SUDS3: variants seen among roughly 807,000 people sequenced by gnomAD.
The protein encoded by SUDS3 is SIN3A corepressor complex component SDS3.
A neutral mutation model predicts 53.5 loss-of-function variants in SUDS3; 23 were observed. That is an observed-to-expected ratio of 0.43 (90% CI 0.31 to 0.61). The LOEUF is 0.61. Among genes scored for constraint, SUDS3 ranks in the 20% least tolerant of loss-of-function variants. The probability of loss-of-function intolerance (pLI) is 0.10; values close to 1 mark genes in which losing one functional copy is unlikely to be tolerated. For synonymous variants in SUDS3, 150 were observed against 148.5 expected (o/e 1.01, Z -0.08); for missense variants, 291 against 405.9 (o/e 0.72, Z 2.43).
intron 6 of SUDS3, among the ~76,000 whole-genome samples, chr12:118,395,427 T>C (rs1215165185): frequency 6.6e-6 from 1 of 151,494 alleles, no homozygotes. Flanking sequence ...GGGGTTTCAC[T>C]GTGTTAGCCA....
At chr12:118,404,373 A>G (rs1477999187) in intron 10 of SUDS3, 1 of 152,254 alleles carries the variant, frequency 6.6e-6, no homozygotes, top group Admixed American at 6.5e-5. Flanking sequence ...GGCCTCCCAA[A>G]GTGCTGGGAT....
In SUDS3 at chr12:118,376,716, C is replaced by A; in HGVS notation, c.25C>A (p.Pro9Thr). 1 of 1,520,862 alleles carries A rather than the reference C, an allele frequency of 6.6e-7. No individual in the cohort carries two copies. Among genetic ancestry groups the A allele is most frequent in the South Asian group, 1.2e-5 (1 of 81,894 alleles). The allele number at this position is 1,520,862 out of a possible 1,614,324, so 94.2% of individuals were successfully genotyped here. The stretch of plus-strand genomic sequence containing the variant: ...CATGAGTGCCGCGGGGCTGCTGGCC[C>A]CGGCCCCGGCCCAGGCTGGAGCGCC... MSAAGLLA[P>T]APAQAGAPPA... The change falls in exon 1 of 12, where the codon CCG becomes ACG. Residue 9 changes from proline to threonine, a missense_variant. Pro to Thr is a conservative substitution (Grantham distance 38). This residue lies in a region of SUDS3 where 149 missense variants were observed against 146.5 expected (regional missense o/e 1.02). Coordinates refer to ENST00000543473, the MANE Select transcript of SUDS3 (RefSeq NM_022491.3).
intron 10 of SUDS3, among the ~76,000 whole-genome samples, chr12:118,405,461 G>A (rs1330472216): frequency 6.6e-6 from 1 of 152,202 alleles, no homozygotes; most frequent in Non-Finnish European, 1.5e-5. Flanking sequence ...AAAATGATCA[G>A]ATTTGATGTG....
intron 6 of SUDS3, among the ~76,000 whole-genome samples, chr12:118,395,273 T>G (rs1286512571): frequency 7.0e-6 from 1 of 142,584 alleles, no homozygotes; most frequent in African/African-American, 2.6e-5. Context: ...TCCCCCAGGC[T>G]GGAGTGCAGT....
In SUDS3 at chr12:118,388,401, C is replaced by A. The variant is rs1202534867; in HGVS notation, c.341-1526C>A. On this transcript the variant is annotated intron_variant, in intron 4 of 11. Coordinates refer to ENST00000543473, the MANE Select transcript of SUDS3 (RefSeq NM_022491.3). ...CCCTGGTAGACTGAGAATAGCACACCCTGGAGAATCTTTGTGGACTGTACG... is the reference window on the plus strand; with the variant it reads ...CCCTGGTAGACTGAGAATAGCACACACTGGAGAATCTTTGTGGACTGTACG... Among the ~76,000 whole-genome samples the A allele has an allele frequency of 2.0e-5, 3 of 152,124 alleles. No homozygotes were observed. In the East Asian group the frequency reaches 5.8e-4, roughly 29 times the overall value.
chr12:118,404,707 A>G (rs2046294748), intron 10 of SUDS3, among the ~76,000 whole-genome samples: 2 of 152,134 alleles, frequency 1.3e-5, no homozygotes, highest in South Asian at 4.1e-4. Flanking sequence ...CTGTTTGGTT[A>G]TATTGAGAAT....
intron 5 of SUDS3, among the ~76,000 whole-genome samples, chr12:118,390,389 CTG>C (rs2046154246): frequency 6.6e-6 from 1 of 152,194 alleles, no homozygotes; most frequent in Admixed American, 6.5e-5. Context: ...GTGTCAGACT[CTG>C]TGCTGTGATA....
At chr12:118,389,594 C>T (rs2046146966) in intron 4 of SUDS3, among the ~76,000 whole-genome samples, 1 of 151,936 alleles carries the variant, frequency 6.6e-6, no homozygotes, top group African/African-American at 2.4e-5. Context: ...TTACTGCAAC[C>T]TCTGCCGCTC....
intron 1 of SUDS3, 29 bp downstream of exon 1, chr12:118,376,862 G>T: frequency 6.6e-7 from 1 of 1,507,678 alleles, no homozygotes. Flanking sequence ...CCGGCCGCCC[G>T]GAGCGGAGGT....
At chr12:118,400,572 TG>T (rs986489763) in intron 6 of SUDS3, 86 bp from the exon 7 acceptor site, 5 of 1,254,840 alleles carry the variant, frequency 4.0e-6, no homozygotes, top group Non-Finnish European at 5.8e-6. Context: ...ATTGGGTGGC[TG>T]GGGGGCAGAT....
intron 11 of SUDS3, among the ~76,000 whole-genome samples, chr12:118,412,590 A>T (rs2141395939): frequency 6.6e-6 from 1 of 152,346 alleles, no homozygotes; most frequent in South Asian, 2.1e-4. Context: ...CCTGGTCCTC[A>T]GCCAAGAGGT....
chr12:118,386,478 T>C (rs75197519), intron 4 of SUDS3, among the ~76,000 whole-genome samples: 1 of 152,082 alleles, frequency 6.6e-6, no homozygotes, highest in Non-Finnish European at 1.5e-5. Flanking sequence ...CATTTCTGCA[T>C]GGCTGGCCTG....
rs76355409 is a variant in SUDS3, at chr12:118,402,300, C to T, written c.697+296C>T. 4,239 of 432,802 alleles carry T rather than the reference C, an allele frequency of 9.8e-3. 154 individuals are homozygous for T. The highest frequency in any genetic ancestry group is 0.077 in the African/African-American group (3,768 of 49,196). The allele number at this position is 432,802 out of a possible 1,614,324, so 26.8% of individuals were successfully genotyped here. On this transcript the variant is annotated intron_variant, in intron 9 of 11. Transcript: ENST00000543473. Reference sequence around the variant, plus strand: ...AGGCATCAGGCATAAGATTTAAGTACACATCCATTTTTGAAAATGAAACCA... The same window carrying T: ...AGGCATCAGGCATAAGATTTAAGTATACATCCATTTTTGAAAATGAAACCA...
Position 118,396,933 on chromosome 12 carries a change from A to T in SUDS3, c.518-3726A>T, listed in dbSNP as rs989276988. On this transcript the variant is annotated intron_variant, in intron 6 of 11. Coordinates refer to ENST00000543473, the MANE Select transcript of SUDS3 (RefSeq NM_022491.3). ...GGTTCCTGTATCCATCAGGTTTCCT[A>T]GTGAGTAGAACAGGAGGATTTGCAC... Among the ~76,000 whole-genome samples, 3 of 152,260 alleles carry T rather than the reference A, an allele frequency of 2.0e-5. No homozygotes were observed. In the South Asian group the frequency reaches 6.2e-4, roughly 32 times the overall value.
chr12:118,392,307 C>A (rs997945077), intron 6 of SUDS3, among the ~76,000 whole-genome samples: 2 of 152,160 alleles, frequency 1.3e-5, no homozygotes, highest in African/African-American at 4.8e-5. Flanking sequence ...CAGTTAAGAT[C>A]TTTGTTCCCC....
intron 11 of SUDS3, 85 bp from the exon 12 acceptor site, chr12:118,414,250 C>A: frequency 1.0e-6 from 1 of 979,160 alleles, no homozygotes; most frequent in Non-Finnish European, 1.5e-6. Context: ...GCTTGCATCT[C>A]ACTCGTGCAG....
intron 3 of SUDS3, 39 bp from the exon 4 acceptor site, chr12:118,386,074 AT>A: frequency 6.8e-7 from 1 of 1,468,604 alleles, no homozygotes; most frequent in Non-Finnish European, 9.3e-7. Flanking sequence ...GAGCAGATTT[AT>A]ATTCACAATA....
intron 10 of SUDS3, among the ~76,000 whole-genome samples, chr12:118,405,061 G>A (rs965470565): frequency 1.2e-4 from 18 of 152,262 alleles, no homozygotes; most frequent in African/African-American, 3.9e-4. Context: ...CAGAAAGGTC[G>A]GTTTGTGTTA....
intron 2 of SUDS3, among the ~76,000 whole-genome samples, chr12:118,380,936 C>T (rs993160764): frequency 1.3e-5 from 2 of 152,176 alleles, no homozygotes; most frequent in Non-Finnish European, 2.9e-5. Context: ...AACTCCTGAG[C>T]TCGTGATCCG....
Sources: gnomAD v4.1 joint callset for allele counts (sites outside exome capture counted in the v4.1 genomes callset) on GRCh38, gnomAD v4.1.1 for gene constraint, gnomAD v4.1.1 regional missense constraint, MANE v1.5 for transcripts, NCBI Gene and HGNC (gene_info 2026-07-23, HGNC 2026-07-21) for gene names.